The following NFAT5 variants were observed in gnomAD, a reference collection of about 807,000 sequenced individuals.
NFAT5 encodes nuclear factor of activated T-cells 5.
A neutral mutation model predicts 166.5 loss-of-function variants in NFAT5; 31 were observed. The ratio of observed to expected loss-of-function variants is 0.19; its 90% CI spans 0.14 to 0.25. NFAT5 has a LOEUF of 0.25. Among genes scored for constraint, NFAT5 ranks in the 10% least tolerant of loss-of-function variants. The pLI is 1.00. For missense variants in NFAT5, 1,449 were observed against 1,821.8 expected (o/e 0.80, Z 3.72); for synonymous variants, 612 against 639.7 (o/e 0.96, Z 0.65).
At chr16:69,667,399 C>G (rs8052967) in intron 7 of NFAT5, among the ~76,000 whole-genome samples, 6,575 of 150,966 alleles carry the variant, frequency 0.044, 488 homozygotes, top group African/African-American at 0.15. Flanking sequence ...TGTGGGATCT[C>G]TTTTGCATAA....
chr16:69,613,771 C>A (rs1300588027), intron 2 of NFAT5, among the ~76,000 whole-genome samples: 2 of 152,162 alleles, frequency 1.3e-5, no homozygotes, highest in Non-Finnish European at 2.9e-5. Flanking sequence ...TTATTTTAAA[C>A]TTGACTCATT....
chr16:69,666,326 T>A (rs79298333), intron 7 of NFAT5, among the ~76,000 whole-genome samples: 2 of 152,024 alleles, frequency 1.3e-5, no homozygotes, highest in East Asian at 3.9e-4. Flanking sequence ...AAATGGGATC[T>A]AATTAAACGG....
chr16:69,648,575 T>C (rs2035546203), intron 4 of NFAT5: 2 of 984,858 alleles, frequency 2.0e-6, no homozygotes, highest in South Asian at 4.7e-5. Context: ...CCCACTAATA[T>C]AGTTCAATAG....
chr16:69,622,477 T>C (rs2151573883), intron 2 of NFAT5, among the ~76,000 whole-genome samples: 1 of 152,306 alleles, frequency 6.6e-6, no homozygotes, highest in East Asian at 1.9e-4. Context: ...TTGTTTGTTT[T>C]GAGGGGCAGA....
intron 3 of NFAT5, among the ~76,000 whole-genome samples, chr16:69,638,567 C>G (rs2035067618): frequency 6.6e-6 from 1 of 151,948 alleles, no homozygotes; most frequent in Non-Finnish European, 1.5e-5. Flanking sequence ...AACCCCATCT[C>G]TACTAAAAAA....
At chr16:69,627,555 A>G (rs2034527064) in intron 3 of NFAT5, among the ~76,000 whole-genome samples, 1 of 152,118 alleles carries the variant, frequency 6.6e-6, no homozygotes, top group South Asian at 2.1e-4. Context: ...TTGGTACTAT[A>G]GTATAACTTC....
chr16:69,568,449 T>C (rs2016244175), intron 1 of NFAT5, 46 bp from the exon 2 acceptor site: 1 of 1,551,332 alleles, frequency 6.4e-7, no homozygotes, highest in South Asian at 1.1e-5. Flanking sequence ...GGCATTTTTT[T>C]CCTCATTCAG....
At chr16:69,660,396 C>T (rs915760398) in intron 7 of NFAT5, among the ~76,000 whole-genome samples, 4 of 151,472 alleles carry the variant, frequency 2.6e-5, no homozygotes, top group East Asian at 1.9e-4. Context: ...TGCCACTGCA[C>T]GCCAGCCTGG....
chr16:69,575,847 G>T (rs1367327423), intron 2 of NFAT5, among the ~76,000 whole-genome samples: 1 of 151,996 alleles, frequency 6.6e-6, no homozygotes, highest in Non-Finnish European at 1.5e-5. Context: ...AAAATCCTGC[G>T]ATGTAGTACC....
intron 13 of NFAT5, 61 bp downstream of exon 13, chr16:69,694,300 G>A: frequency 7.6e-7 from 1 of 1,315,274 alleles, no homozygotes. Context: ...AGGAAGCAGA[G>A]TGCAGTGGTG....
At chr16:69,578,544 T>C (rs2031450028) in intron 2 of NFAT5, among the ~76,000 whole-genome samples, 1 of 152,210 alleles carries the variant, frequency 6.6e-6, no homozygotes, top group Non-Finnish European at 1.5e-5. Flanking sequence ...AAAGTTTTCA[T>C]TACAGTCATC....
At chr16:69,623,759 G>A (rs1005694920) in intron 2 of NFAT5, among the ~76,000 whole-genome samples, 3 of 151,232 alleles carry the variant, frequency 2.0e-5, no homozygotes, top group Non-Finnish European at 2.9e-5. Context: ...TGCCTGCCTC[G>A]GCCTCCCAAG....
chr16:69,650,779 A>G (rs1597470826), intron 4 of NFAT5, among the ~76,000 whole-genome samples: 1 of 152,132 alleles, frequency 6.6e-6, no homozygotes, highest in Admixed American at 6.5e-5. Flanking sequence ...TGCTATTATC[A>G]TTTTGCAGTA....
At position 69,674,243 on chromosome 16, in the gene NFAT5, A is replaced by G. The variant is rs1184834542; in HGVS notation, c.1558-2960A>G. The stretch of plus-strand genomic sequence containing the variant: ...GGGCAACAAGAGTGAAACTGTCTCA[A>G]AAAAAAAAAAAAAAAAAAAGTAATA... On this transcript the variant is annotated intron_variant, in intron 9 of 14. Transcript: ENST00000349945. 3.6e-5 allele frequency among the ~76,000 whole-genome samples: 4 copies of G among 112,146 alleles called. No homozygotes were observed. In the Admixed American group the frequency reaches 3.7e-4, roughly 10 times the overall value. 73.6% of individuals were successfully genotyped at this position (112,146 alleles called of 152,430 possible). A position where few individuals can be genotyped will look rare whatever the true frequency, so the allele number is the denominator to read the frequency against.
chr16:69,632,233 A>G (rs1246409355), intron 3 of NFAT5: 3 of 152,208 alleles, frequency 2.0e-5, no homozygotes, highest in African/African-American at 7.2e-5. Context: ...CCTGTAGGAG[A>G]CAGCTTTTAA....
chr16:69,635,023 G>GTTTTTTTTTTTTTTTTTTTTTTT (rs530661389), intron 3 of NFAT5, among the ~76,000 whole-genome samples: 3 of 105,268 alleles, frequency 2.8e-5, no homozygotes, highest in Non-Finnish European at 3.6e-5. Flanking sequence ...TGTTAGTAAA[G>GTTTTTTTTTTTTTTTTTTTTTTT]TTTTTTTTTT....
chr16:69,576,957 G>A (rs547989281), intron 2 of NFAT5, among the ~76,000 whole-genome samples: 1 of 152,332 alleles, frequency 6.6e-6, no homozygotes, highest in South Asian at 2.1e-4. Flanking sequence ...GGATGCCATT[G>A]TTCCCTATTT....
intron 1 of NFAT5, among the ~76,000 whole-genome samples, chr16:69,568,176 C>T (rs1359733228): frequency 6.6e-6 from 1 of 151,938 alleles, no homozygotes; most frequent in African/African-American, 2.4e-5. Context: ...CAAAATTAGC[C>T]GGGCGTGGTG....
intron 12 of NFAT5, 55 bp from the exon 13 acceptor site, chr16:69,691,694 A>G: frequency 3.6e-6 from 5 of 1,386,902 alleles, no homozygotes; most frequent in Non-Finnish European, 4.9e-6. Flanking sequence ...GATGTATGTT[A>G]CAAACTTGTT....
Sources: allele counts gnomAD v4.1 joint callset (sites outside exome capture counted in the v4.1 genomes callset), GRCh38; gene constraint gnomAD v4.1.1; transcripts MANE v1.5; gene names NCBI Gene and HGNC (gene_info 2026-07-23, HGNC 2026-07-21).